The following LRRFIP2 variants were observed in gnomAD, a reference collection of about 807,000 sequenced individuals.
LRRFIP2 encodes LRR binding FLII interacting protein 2.
Under a neutral mutation model 125.9 loss-of-function variants are expected in LRRFIP2, and 109 were observed. The ratio of observed to expected loss-of-function variants is 0.87; its 90% CI spans 0.74 to 1.01. The LOEUF (loss-of-function observed/expected upper bound fraction) is 1.01. LRRFIP2 is among the 50% of genes least tolerant of loss of function. The probability of loss-of-function intolerance (pLI) is 0.00; values close to 1 mark genes in which losing one functional copy is unlikely to be tolerated. For synonymous variants in LRRFIP2, 291 were observed against 293.1 expected (o/e 0.99, Z 0.07); for missense variants, 850 against 862.3 (o/e 0.99, Z 0.18).
intron 1 of LRRFIP2, among the ~76,000 whole-genome samples, chr3:37,152,534 C>G (rs1443433489): frequency 1.3e-5 from 2 of 152,082 alleles, no homozygotes; most frequent in African/African-American, 4.8e-5. Context: ...GTCTTTGCCT[C>G]CCGGGTTCAA....
rs746005766 is a variant in LRRFIP2 at position 37,112,883 on chromosome 3, T to C, written c.438+32A>G. ...TCCTTAAGTTCCTAACAGTACTTCG[T>C]GAATTGTGATATGAGAGACAACAGA... On this transcript the variant is annotated intron_variant, in intron 8 of 27. Transcript: ENST00000336686. The C allele has an allele frequency of 7.6e-6, 10 of 1,314,032 alleles. No homozygotes were observed. The African/African-American group carries it at 1.4e-4, about 19-fold the overall frequency. The allele number at this position is 1,314,032 out of a possible 1,614,324, so 81.4% of individuals were successfully genotyped here.
intron 15 of LRRFIP2, among the ~76,000 whole-genome samples, chr3:37,100,224 C>T (rs1324673379): frequency 6.6e-6 from 1 of 152,006 alleles, no homozygotes; most frequent in Non-Finnish European, 1.5e-5. Flanking sequence ...CTTTGAGAGA[C>T]TGAGGCAGGA....
chr3:37,100,608 G>A (rs2093985870), intron 15 of LRRFIP2, among the ~76,000 whole-genome samples: 1 of 152,014 alleles, frequency 6.6e-6, no homozygotes, highest in Non-Finnish European at 1.5e-5. Context: ...TTTTTAAACT[G>A]TCAGCACTTT....
chr3:37,148,834 T>C, intron 2 of LRRFIP2, 60 bp downstream of exon 2: 2 of 1,590,986 alleles, frequency 1.3e-6, no homozygotes, highest in Non-Finnish European at 1.7e-6. Context: ...CTCTGTCAAA[T>C]CGGCATTTTT....
chr3:37,141,843 T>C (rs2095710060), intron 2 of LRRFIP2, among the ~76,000 whole-genome samples: 2 of 152,182 alleles, frequency 1.3e-5, no homozygotes, highest in African/African-American at 4.8e-5. Context: ...GCACTCTAAG[T>C]AGCTACTGGC....
At chr3:37,099,794 T>C (rs2093920130) in intron 15 of LRRFIP2, among the ~76,000 whole-genome samples, 2 of 152,194 alleles carry the variant, frequency 1.3e-5, no homozygotes, top group South Asian at 4.1e-4. Context: ...AAAAATATTA[T>C]ATAGGCTTGC....
intron 2 of LRRFIP2, among the ~76,000 whole-genome samples, chr3:37,142,834 C>T (rs1049564831): frequency 3.3e-5 from 5 of 152,144 alleles, no homozygotes; most frequent in Non-Finnish European, 5.9e-5. Context: ...CACCAACAGC[C>T]TAAACAGTAC....
intron 4 of LRRFIP2, among the ~76,000 whole-genome samples, chr3:37,126,625 G>A (rs1200839872): frequency 6.6e-6 from 1 of 151,702 alleles, no homozygotes; most frequent in African/African-American, 2.4e-5. Context: ...TTGAGAGGCC[G>A]AGGCGGGCGG....
chr3:37,129,363 T>C (rs1257429324), intron 2 of LRRFIP2, among the ~76,000 whole-genome samples: 1 of 152,220 alleles, frequency 6.6e-6, no homozygotes, highest in African/African-American at 2.4e-5. Context: ...ATCCGGGCCT[T>C]TACCTTTAAC....
intron 1 of LRRFIP2, among the ~76,000 whole-genome samples, chr3:37,164,383 G>GGGC (rs2096422109): frequency 1.3e-5 from 2 of 152,158 alleles, no homozygotes. Flanking sequence ...CCCACCATCC[G>GGGC]AAGATACTCC....
intron 17 of LRRFIP2, among the ~76,000 whole-genome samples, chr3:37,094,017 G>T (rs1302708011): frequency 6.6e-6 from 1 of 152,054 alleles, no homozygotes; most frequent in Non-Finnish European, 1.5e-5. Flanking sequence ...ATGCTTTCTT[G>T]AATTACCTTA....
At chr3:37,097,545 A>T (rs1274564859) in intron 15 of LRRFIP2, among the ~76,000 whole-genome samples, 1 of 152,192 alleles carries the variant, frequency 6.6e-6, no homozygotes, top group African/African-American at 2.4e-5. Flanking sequence ...AGGGCTCAAA[A>T]TTTGTTGGAT....
chr3:37,133,014 AG>A (rs2095468836), intron 2 of LRRFIP2, among the ~76,000 whole-genome samples: 1 of 152,110 alleles, frequency 6.6e-6, no homozygotes, highest in Non-Finnish European at 1.5e-5. Flanking sequence ...ACTTGAGACC[AG>A]GAGTTCAAGA....
At chr3:37,075,906 T>C (rs2091951257) in intron 19 of LRRFIP2, among the ~76,000 whole-genome samples, 1 of 152,108 alleles carries the variant, frequency 6.6e-6, no homozygotes. Context: ...CAAATATATT[T>C]AAAAACAATA....
chr3:37,168,687 T>C (rs2096543073), intron 1 of LRRFIP2, among the ~76,000 whole-genome samples: 1 of 152,246 alleles, frequency 6.6e-6, no homozygotes. Context: ...TACACAGTCA[T>C]GTGCTGCATA....
chr3:37,156,950 A>T (rs1038072146), intron 1 of LRRFIP2, among the ~76,000 whole-genome samples: 1 of 151,734 alleles, frequency 6.6e-6, no homozygotes, highest in Non-Finnish European at 1.5e-5. Flanking sequence ...ACCAACATGG[A>T]GAAACCCTAT....
chr3:37,135,189 G>A (rs961544657), intron 2 of LRRFIP2: 11 of 889,650 alleles, frequency 1.2e-5, no homozygotes, highest in East Asian at 2.6e-5. Flanking sequence ...GGCTGGGCAC[G>A]TTGGCTCACA....
intron 18 of LRRFIP2, among the ~76,000 whole-genome samples, chr3:37,085,377 C>T (rs1346473806): frequency 2.0e-5 from 3 of 151,406 alleles, no homozygotes; most frequent in African/African-American, 2.4e-5. Context: ...AAAAATTAGC[C>T]GGGCATGGTG....
At chr3:37,164,394 T>A (rs2096422515) in intron 1 of LRRFIP2, among the ~76,000 whole-genome samples, 2 of 152,224 alleles carry the variant, frequency 1.3e-5, no homozygotes. Flanking sequence ...AAGATACTCC[T>A]ATTTTAATAA....
Sources: allele counts gnomAD v4.1 joint callset (sites outside exome capture counted in the v4.1 genomes callset), GRCh38; gene constraint gnomAD v4.1.1; transcripts MANE v1.5; gene names NCBI Gene and HGNC (gene_info 2026-07-23, HGNC 2026-07-21).